Variants in CUX2 observed in about 807,000 individuals in gnomAD.
The protein encoded by CUX2 is homeobox protein cut-like 2.
CUX2 carries 40 observed loss-of-function variants against 144.8 expected under a neutral mutation model. That is an observed-to-expected ratio of 0.28 (90% CI 0.21 to 0.36). The LOEUF is 0.36. CUX2 is among the 10% of genes least tolerant of loss of function. The pLI, the probability that CUX2 is intolerant of heterozygous loss-of-function variation, is 1.00. For missense variants in CUX2, 1,615 were observed against 1,994.0 expected, an observed-to-expected ratio of 0.81 and a Z score of 3.62; for synonymous variants, 827 against 875.6, an observed-to-expected ratio of 0.94 and a Z score of 0.98.
At chr12:111,113,373 TG>T (rs2136084952) in intron 1 of CUX2, among the ~76,000 whole-genome samples, 1 of 152,256 alleles carries the variant, frequency 6.6e-6, no homozygotes, top group South Asian at 2.1e-4. Flanking sequence ...AATCAGAATA[TG>T]GAACAGTTCC....
At position 111,155,931 on chromosome 12, in the gene CUX2, A is replaced by G. The variant is rs947197307; in HGVS notation, c.64-58269A>G. On this transcript the variant is annotated intron_variant, in intron 1 of 21. Coordinates refer to ENST00000261726, the MANE Select transcript of CUX2 (RefSeq NM_015267.4). ...TGAAACAGCTTAAAAAATAAAAAAA[A>G]AAAATAAAAATAAAAACCAGCCAAC... Among the ~76,000 whole-genome samples, 773 of 151,974 alleles carry G rather than the reference A, an allele frequency of 5.1e-3. 5 individuals carry two copies. Among genetic ancestry groups the G allele is most frequent in the African/African-American group, 0.018 (735 of 41,252 alleles).
At chr12:111,242,806 A>C (rs1420725021) in intron 3 of CUX2, among the ~76,000 whole-genome samples, 2 of 152,120 alleles carry the variant, frequency 1.3e-5, no homozygotes, top group Non-Finnish European at 2.9e-5. Flanking sequence ...TGCATCCATC[A>C]ACCCATCATC....
intron 1 of CUX2, among the ~76,000 whole-genome samples, chr12:111,181,827 C>CA (rs368138171): frequency 5.3e-5 from 8 of 151,460 alleles, no homozygotes; most frequent in East Asian, 3.9e-4. Context: ...AGATGCAATA[C>CA]AAAAAAAAAT....
chr12:111,219,286 A>G (rs1592851010), intron 3 of CUX2, among the ~76,000 whole-genome samples: 1 of 151,932 alleles, frequency 6.6e-6, no homozygotes, highest in South Asian at 2.1e-4. Flanking sequence ...GTATTGGTTC[A>G]TTTGGTTGCA....
intron 3 of CUX2, among the ~76,000 whole-genome samples, chr12:111,218,854 A>T (rs941859147): frequency 2.0e-5 from 3 of 151,350 alleles, no homozygotes; most frequent in African/African-American, 7.3e-5. Flanking sequence ...ATCAGGGTGA[A>T]CCCCCGCCCC....
chr12:111,347,843 C>A lies in CUX2; in HGVS notation c.3979C>A (p.Pro1327Thr). 1 of 1,614,018 alleles carries A rather than the reference C, an allele frequency of 6.2e-7. No individual in the cohort carries two copies. The highest frequency in any genetic ancestry group is 1.1e-5 in the South Asian group (1 of 91,064). Reference protein sequence around the residue: ...DSGELDKGQGPPKEEHPDPPG... With the variant: ...DSGELDKGQGTPKEEHPDPPG... ...AGGGGAGCTGGACAAAGGCCAAGGT[C>A]CCCCCAAAGAGGAGCATCCCGACCC... The change falls in exon 22 of 22, where the codon CCC (proline) becomes ACC (threonine). Residue 1327 changes from proline to threonine, a missense_variant. Around this residue, in one of 12 missense-constraint regions of CUX2, gnomAD observed 298 missense variants for 330.4 expected, o/e 0.90. Coordinates refer to ENST00000261726, the MANE Select transcript of CUX2 (RefSeq NM_015267.4).
chr12:111,189,426 G>A (rs1216645798), intron 1 of CUX2, among the ~76,000 whole-genome samples: 2 of 152,196 alleles, frequency 1.3e-5, no homozygotes, highest in Admixed American at 6.5e-5. Context: ...TGTTTCTTAC[G>A]TAAATGGAAT....
At chr12:111,288,369 A>C (rs1045123422) in intron 4 of CUX2, among the ~76,000 whole-genome samples, 13 of 152,104 alleles carry the variant, frequency 8.5e-5, no homozygotes, top group African/African-American at 3.1e-4. Context: ...TGCTACATTT[A>C]TGGTGAGGCA....
chr12:111,235,889 A>T (rs935836022), intron 3 of CUX2, among the ~76,000 whole-genome samples: 2 of 152,136 alleles, frequency 1.3e-5, no homozygotes, highest in African/African-American at 4.8e-5. Flanking sequence ...CCAGTGGGAC[A>T]TGACACCATT....
rs891834643 is a variant in CUX2, at chr12:111,035,278, C to T, written c.63+1038C>T. ...TCCCTAGGGCGACTCTTCGAAACCC[C>T]ATCACTTTCTCCCCATCCTCCCTTT... On this transcript the variant is annotated intron_variant, in intron 1 of 21. Transcript: ENST00000261726. The surrounding 1 kb of genome is among the most constrained non-coding windows in gnomAD (Gnocchi z 6.0). Among the ~76,000 whole-genome samples, 1 of 152,234 alleles carries T rather than the reference C, an allele frequency of 6.6e-6. No homozygotes were observed. Among genetic ancestry groups the T allele is most frequent in the Non-Finnish European group, 1.5e-5 (1 of 68,050 alleles).
rs1878494335 is a variant in CUX2, at chr12:111,171,120, T to C, written c.64-43080T>C. Among the ~76,000 whole-genome samples the C allele has an allele frequency of 6.6e-6, 1 of 151,800 alleles. No homozygotes were observed. The highest frequency in any genetic ancestry group is 2.4e-5 in the African/African-American group (1 of 41,290). ...GAATAGGTGCTGGTAACACCTGGAG[T>C]CATCCCAGCAGGTGTCAGTGGCTGA... On this transcript the variant is annotated intron_variant, in intron 1 of 21. Coordinates refer to ENST00000261726, the MANE Select transcript of CUX2 (RefSeq NM_015267.4). The surrounding 1 kb of genome is among the most constrained non-coding windows in gnomAD (Gnocchi z 5.0).
At chr12:111,196,862 A>G (rs886708909) in intron 1 of CUX2, among the ~76,000 whole-genome samples, 3 of 152,202 alleles carry the variant, frequency 2.0e-5, no homozygotes, top group Non-Finnish European at 2.9e-5. Context: ...ATCACCACTC[A>G]GTATGTTCTG....
At chr12:111,346,552 A>G (rs1312817893) in intron 21 of CUX2, among the ~76,000 whole-genome samples, 2 of 152,028 alleles carry the variant, frequency 1.3e-5, no homozygotes, top group Non-Finnish European at 2.9e-5. Flanking sequence ...GCCCATTATT[A>G]TTATGTTTGT....
chr12:111,042,215 G>T (rs1455541660), intron 1 of CUX2, among the ~76,000 whole-genome samples: 1 of 152,250 alleles, frequency 6.6e-6, no homozygotes, highest in Non-Finnish European at 1.5e-5. Context: ...GGCTCCCGGG[G>T]AACCATTATG....
rs1239248704 is a variant in CUX2, at chr12:111,057,625, C to G, written c.63+23385C>G. 6.6e-6 allele frequency among the ~76,000 whole-genome samples: 1 copy of G among 152,210 alleles called. No individual in the cohort carries two copies. Among genetic ancestry groups the G allele is most frequent in the Non-Finnish European group, 1.5e-5 (1 of 68,042 alleles). On this transcript the variant is annotated intron_variant, in intron 1 of 21. Transcript: ENST00000261726. The surrounding 1 kb of genome is among the most constrained non-coding windows in gnomAD (Gnocchi z 5.1). Reference sequence around the variant, plus strand: ...TGTCTTCCTGTGGGCCCCTCGCTCCCCACTTCTGCCAGCAGCCTCCCCTTC... The same window carrying G: ...TGTCTTCCTGTGGGCCCCTCGCTCCGCACTTCTGCCAGCAGCCTCCCCTTC...
chr12:111,197,103 G>A (rs1249236151), intron 1 of CUX2, among the ~76,000 whole-genome samples: 1 of 152,140 alleles, frequency 6.6e-6, no homozygotes, highest in African/African-American at 2.4e-5. Context: ...TCCTAGCCCT[G>A]TTGCTTCCCA....
Position 111,153,349 on chromosome 12 carries a change from G to A in CUX2, c.64-60851G>A, listed in dbSNP as rs372776401. Among the ~76,000 whole-genome samples, 7 of 152,248 alleles carry A rather than the reference G, an allele frequency of 4.6e-5. 1 individual carries two copies. The highest frequency in any genetic ancestry group is 2.1e-4 in the South Asian group (1 of 4,816). ...TACAGTCATGCATCACTTGACAACC[G>A]GGATACATTCTGAGAAATGCGTTGT... On this transcript the variant is annotated intron_variant, in intron 1 of 21. Coordinates refer to ENST00000261726, the MANE Select transcript of CUX2 (RefSeq NM_015267.4).
At chr12:111,189,906 C>A (rs920961839) in intron 1 of CUX2, among the ~76,000 whole-genome samples, 31 of 152,254 alleles carry the variant, frequency 2.0e-4, no homozygotes, top group African/African-American at 7.5e-4. Flanking sequence ...CTTTAGTAGA[C>A]GCTGCAAGTA....
chr12:111,259,115 C>A (rs1234155786), intron 3 of CUX2, among the ~76,000 whole-genome samples: 2 of 150,460 alleles, frequency 1.3e-5, no homozygotes, highest in Non-Finnish European at 3.0e-5. Context: ...TGTTGCCAGG[C>A]TGGTCTTAAA....
Sources: allele counts gnomAD v4.1 joint callset (sites outside exome capture counted in the v4.1 genomes callset), GRCh38; gene constraint gnomAD v4.1.1; regional missense constraint gnomAD v4.1.1; non-coding constraint Gnocchi (gnomAD v3.1); transcripts MANE v1.5; gene names NCBI Gene and HGNC (gene_info 2026-07-23, HGNC 2026-07-21).